Variants in NSD1 observed in about 807,000 individuals in gnomAD.
NSD1 encodes histone-lysine N-methyltransferase, H3 lysine-36 specific.
NSD1 carries 26 observed loss-of-function variants against 242.7 expected under a neutral mutation model. The ratio of observed to expected loss-of-function variants is 0.11; its 90% CI spans 0.08 to 0.15. The LOEUF is 0.15. NSD1 is among the 10% of genes least tolerant of loss of function. NSD1 has a pLI of 1.00. For synonymous variants in NSD1, 1,106 were observed against 1,178.1 expected (o/e 0.94, Z 1.25); for missense variants, 2,495 against 3,272.8 (o/e 0.76, Z 5.80).
At position 177,300,057 on chromosome 5, in the gene NSD1, G is replaced by GCC. The variant is rs60995782; in HGVS notation, c.*4610_*4611dup. ...AGGTCCATCATTGCTTTTTTGCCGC[G>GCC]CCCCCCCCCCCCCGCCCCCATAGAT... On this transcript the variant is annotated 3_prime_UTR_variant, in exon 23 of 23. Coordinates refer to ENST00000439151, the MANE Select transcript of NSD1 (RefSeq NM_022455.5). 4.9e-4 allele frequency: 66 copies of GCC among 134,876 alleles called. No homozygotes were observed. The highest frequency in any genetic ancestry group is 2.1e-3 in the East Asian group (22 of 10,612). 8.4% of individuals were successfully genotyped at this position (134,876 alleles called of 1,614,324 possible). A position where few individuals can be genotyped will look rare whatever the true frequency, so the allele number is the denominator to read the frequency against.
At chr5:177,142,240 G>A (rs1199081874) in intron 2 of NSD1, among the ~76,000 whole-genome samples, 1 of 152,104 alleles carries the variant, frequency 6.6e-6, no homozygotes, top group Non-Finnish European at 1.5e-5. Flanking sequence ...AAACCTTGCA[G>A]TCAATCATTT....
intron 9 of NSD1, among the ~76,000 whole-genome samples, chr5:177,246,446 C>T (rs529244338): frequency 1.3e-5 from 2 of 152,214 alleles, no homozygotes; most frequent in Non-Finnish European, 2.9e-5. Context: ...CTGTAATAAC[C>T]TATACACTTA....
chr5:177,228,824 T>C lies in NSD1; in HGVS notation c.3797-6997T>C, dbSNP rs114566777. ...CTGTGAAATTCGTACATTTTATGTA[T>C]ACAATCGAATACTATTTGCAAATTT... On this transcript the variant is annotated intron_variant, in intron 5 of 22. Transcript: ENST00000439151. 4.3e-3 allele frequency among the ~76,000 whole-genome samples: 652 copies of C among 152,336 alleles called. 3 individuals are homozygous for C. Among genetic ancestry groups the C allele is most frequent in the African/African-American group, 0.014 (596 of 41,578 alleles).
intron 5 of NSD1, among the ~76,000 whole-genome samples, chr5:177,214,852 A>G (rs534059669): frequency 6.6e-6 from 1 of 151,934 alleles, no homozygotes; most frequent in Admixed American, 6.6e-5. Flanking sequence ...GGCACATGCC[A>G]CCATGCCTGG....
At chr5:177,257,702 T>C (rs1756604236) in intron 13 of NSD1, among the ~76,000 whole-genome samples, 1 of 152,182 alleles carries the variant, frequency 6.6e-6, no homozygotes, top group African/African-American at 2.4e-5. Flanking sequence ...GGTCGTGTGG[T>C]AGGGTATTAA....
intron 2 of NSD1, among the ~76,000 whole-genome samples, chr5:177,161,967 A>C (rs2149789915): frequency 6.6e-6 from 1 of 151,892 alleles, no homozygotes; most frequent in East Asian, 1.9e-4. Flanking sequence ...TCTGTTTCTT[A>C]ATTTTGGCTG....
intron 5 of NSD1, among the ~76,000 whole-genome samples, chr5:177,225,036 G>A (rs954577523): frequency 1.1e-4 from 17 of 152,040 alleles, no homozygotes; most frequent in Non-Finnish European, 2.1e-4. Flanking sequence ...TGTTGGATGT[G>A]TTTTGCTTGT....
rs750518263 is a variant in NSD1 at position 177,282,619 on chromosome 5, T to C, written c.6009+38T>C. ...AAATGCTGTTTTCACTGTTACAAGATTGTAAATTTGTGTTGTCCCAGCCAT... is the reference window on the plus strand; with the variant it reads ...AAATGCTGTTTTCACTGTTACAAGACTGTAAATTTGTGTTGTCCCAGCCAT... On this transcript the variant is annotated intron_variant, in intron 19 of 22. Transcript: ENST00000439151. The C allele has an allele frequency of 2.1e-6, 3 of 1,397,980 alleles. No homozygotes were observed. In the Admixed American group the frequency reaches 5.0e-5, roughly 23 times the overall value. 86.6% of individuals were successfully genotyped at this position (1,397,980 alleles called of 1,614,324 possible). A position where few individuals can be genotyped will look rare whatever the true frequency, so the allele number is the denominator to read the frequency against.
chr5:177,191,714 C>T (rs1761711183), intron 2 of NSD1, among the ~76,000 whole-genome samples, 170 bp from the exon 3 acceptor site: 1 of 152,090 alleles, frequency 6.6e-6, no homozygotes, highest in Non-Finnish European at 1.5e-5. Context: ...ATGTTATGAA[C>T]AATTAAGATG....
At chr5:177,280,086 TGCAA>T (rs1284898969) in intron 17 of NSD1, among the ~76,000 whole-genome samples, 17 of 151,472 alleles carry the variant, frequency 1.1e-4, no homozygotes, top group Admixed American at 9.2e-4. Context: ...CTAGGCTCAC[TGCAA>T]GCTCAGCCTC....
chr5:177,190,869 G>A (rs975850433), intron 2 of NSD1, among the ~76,000 whole-genome samples: 3 of 150,856 alleles, frequency 2.0e-5, no homozygotes, highest in African/African-American at 4.9e-5. Flanking sequence ...GGGTTTCACC[G>A]TGTTAGCCAG....
chr5:177,148,451 A>G (rs779949912), intron 2 of NSD1, among the ~76,000 whole-genome samples: 37 of 132,896 alleles, frequency 2.8e-4, no homozygotes, highest in Non-Finnish European at 3.2e-4. Flanking sequence ...TTTTGAGACA[A>G]TCTCTCTCTG....
chr5:177,157,384 A>T (rs1042399093), intron 2 of NSD1, among the ~76,000 whole-genome samples: 17 of 152,024 alleles, frequency 1.1e-4, no homozygotes, highest in African/African-American at 4.1e-4. Context: ...AAAAAAATAT[A>T]TAATTCACAT....
At chr5:177,192,719 C>T (rs895163502) in intron 3 of NSD1, among the ~76,000 whole-genome samples, 5 of 152,068 alleles carry the variant, frequency 3.3e-5, no homozygotes, top group East Asian at 1.9e-4. Flanking sequence ...TTAGTAGAGA[C>T]GGGGTTTCAC....
At chr5:177,212,475 T>TTC (rs1220906891) in intron 5 of NSD1, among the ~76,000 whole-genome samples, 11 of 129,256 alleles carry the variant, frequency 8.5e-5, no homozygotes, top group South Asian at 4.3e-4. Flanking sequence ...CTCTCTCTCT[T>TTC]TCTCTCTCTC....
chr5:177,291,910 T>TA, intron 21 of NSD1, 44 bp from the exon 22 acceptor site: 1 of 1,563,268 alleles, frequency 6.4e-7, no homozygotes, highest in Non-Finnish European at 8.8e-7. Flanking sequence ...AGATTGGTAC[T>TA]AATGTGTTCA....
At position 177,282,588 on chromosome 5, in the gene NSD1, A is replaced by C; in HGVS notation, c.6009+7A>C. The C allele has an allele frequency of 1.3e-6, 2 of 1,528,710 alleles. No homozygotes were observed. Among genetic ancestry groups the C allele is most frequent in the Non-Finnish European group, 1.8e-6 (2 of 1,102,108 alleles). 94.7% of individuals were successfully genotyped at this position (1,528,710 alleles called of 1,614,324 possible). A position where few individuals can be genotyped will look rare whatever the true frequency, so the allele number is the denominator to read the frequency against. The stretch of plus-strand genomic sequence containing the variant: ...TATGCTCACCCTAGACAAAGTAAGT[A>C]ATGGGAAATGCTGTTTTCACTGTTA... On this transcript the variant is annotated splice_region_variant and intron_variant, in intron 19 of 22. Coordinates refer to ENST00000439151, the MANE Select transcript of NSD1 (RefSeq NM_022455.5).
chr5:177,260,373 G>C (rs1378579680), intron 14 of NSD1, among the ~76,000 whole-genome samples: 1 of 96,540 alleles, frequency 1.0e-5, no homozygotes, highest in Non-Finnish European at 2.0e-5. Flanking sequence ...TTGAGACAAC[G>C]TTTCACTCTG....
chr5:177,245,975 T>A (rs1302830768), intron 9 of NSD1, among the ~76,000 whole-genome samples: 3 of 4,010 alleles, frequency 7.5e-4, no homozygotes, highest in African/African-American at 4.8e-3. Context: ...TTTTTATTTA[T>A]TTTTTTTTTT....
Sources: gnomAD v4.1 joint callset for allele counts (sites outside exome capture counted in the v4.1 genomes callset) on GRCh38, gnomAD v4.1.1 for gene constraint, MANE v1.5 for transcripts, NCBI Gene and HGNC (gene_info 2026-07-23, HGNC 2026-07-21) for gene names.